The following NFATC2 variants were observed in gnomAD, a reference collection of about 807,000 sequenced individuals.
The protein encoded by NFATC2 is nuclear factor of activated T-cells, cytoplasmic 2.
NFATC2 carries 22 observed loss-of-function variants against 87.3 expected under a neutral mutation model. The ratio of observed to expected loss-of-function variants is 0.25; its 90% CI spans 0.18 to 0.36. The LOEUF is 0.36. Among genes scored for constraint, NFATC2 ranks in the 10% least tolerant of loss-of-function variants. NFATC2 has a pLI of 1.00. For missense variants in NFATC2, 1,149 were observed against 1,259.1 expected (o/e 0.91, Z 1.32); for synonymous variants, 565 against 542.2 (o/e 1.04, Z -0.58).
chr20:51,524,640 G>T lies in NFATC2; in HGVS notation c.131-530C>A, dbSNP rs149636585. ...AGCACTCTACACACATGACGTGGAC[G>T]CAGGACACAGAGGGAGGCTGCGCAG... On this transcript the variant is annotated intron_variant, in intron 1 of 10. Coordinates refer to ENST00000371564, the MANE Select transcript of NFATC2 (RefSeq NM_012340.5). The surrounding 1 kb of genome is among the most constrained non-coding windows in gnomAD (Gnocchi z 4.0). Among the ~76,000 whole-genome samples the T allele has an allele frequency of 1.2e-3, 189 of 152,220 alleles. 8 individuals are homozygous for T. In the East Asian group the frequency reaches 0.033, roughly 26 times the overall value.
chr20:51,467,072 C>CTAA, intron 5 of NFATC2, among the ~76,000 whole-genome samples: 1 of 79,702 alleles, frequency 1.3e-5, no homozygotes, highest in African/African-American at 3.9e-5. Flanking sequence ...GACTTAGTCT[C>CTAA]AAAAAAAAAA....
chr20:51,529,373 T>C (rs2076597113), intron 1 of NFATC2, among the ~76,000 whole-genome samples: 1 of 151,914 alleles, frequency 6.6e-6, no homozygotes, highest in Admixed American at 6.6e-5. Flanking sequence ...TTTTTTTTCC[T>C]CTTGACAAGA....
At chr20:51,498,271 A>G (rs1217437837) in intron 3 of NFATC2, among the ~76,000 whole-genome samples, 1 of 152,196 alleles carries the variant, frequency 6.6e-6, no homozygotes, top group Non-Finnish European at 1.5e-5. Context: ...GAGGCCAGAC[A>G]CAGCGGGGCT....
At chr20:51,533,340 C>G (rs1050840738) in intron 1 of NFATC2, among the ~76,000 whole-genome samples, 3 of 152,230 alleles carry the variant, frequency 2.0e-5, no homozygotes, top group African/African-American at 7.2e-5. Context: ...TTCTGACAAG[C>G]CCCCAGACCA....
intron 1 of NFATC2, among the ~76,000 whole-genome samples, chr20:51,549,945 C>T (rs2076919361): frequency 6.6e-6 from 1 of 152,202 alleles, no homozygotes; most frequent in African/African-American, 2.4e-5. Context: ...TCGCACAATG[C>T]CCTGAAAATT....
chr20:51,427,026 C>A (rs1000836566), intron 9 of NFATC2, among the ~76,000 whole-genome samples: 3 of 152,058 alleles, frequency 2.0e-5, no homozygotes, highest in Non-Finnish European at 2.9e-5. Flanking sequence ...CAAGTCACTG[C>A]AGGGGCTGCA....
intron 9 of NFATC2, among the ~76,000 whole-genome samples, chr20:51,427,231 C>A (rs2083284959): frequency 6.6e-6 from 1 of 152,116 alleles, no homozygotes; most frequent in Admixed American, 6.5e-5. Context: ...ACCTCTGCAC[C>A]CCCAGTTCAG....
chr20:51,447,596 C>T (rs1216320053), intron 6 of NFATC2, among the ~76,000 whole-genome samples: 1 of 152,186 alleles, frequency 6.6e-6, no homozygotes, highest in Non-Finnish European at 1.5e-5. Context: ...TTTTTGTGTC[C>T]TTAGATTTTT....
intron 9 of NFATC2, among the ~76,000 whole-genome samples, chr20:51,419,774 G>C (rs6013182): frequency 0.073 from 11,104 of 152,094 alleles, 1,133 homozygotes; most frequent in African/African-American, 0.23. Context: ...CATTCGAGAG[G>C]GATTTCATGA....
rs1285294124 is a variant in NFATC2, at chr20:51,432,948, C to T, written c.2033-192G>A. On this transcript the variant is annotated intron_variant, in intron 8 of 10. Transcript: ENST00000371564. The surrounding 1 kb of genome is among the most constrained non-coding windows in gnomAD (Gnocchi z 4.6). Reference sequence around the variant, plus strand: ...ATTGTCTTAGGTAGGAAATTTTACCCTGGCCATGAACATCTTGAATTATAG... The same window carrying T: ...ATTGTCTTAGGTAGGAAATTTTACCTTGGCCATGAACATCTTGAATTATAG... 3.3e-5 allele frequency among the ~76,000 whole-genome samples: 5 copies of T among 152,116 alleles called. No homozygotes were observed. Among genetic ancestry groups the T allele is most frequent in the Admixed American group, 2.6e-4 (4 of 15,282 alleles).
intron 3 of NFATC2, among the ~76,000 whole-genome samples, chr20:51,495,898 G>A (rs979514904): frequency 6.6e-6 from 1 of 152,176 alleles, no homozygotes; most frequent in Non-Finnish European, 1.5e-5. Flanking sequence ...TTTTTCCCAG[G>A]AGGAGGATGC....
At chr20:51,556,995 G>A (rs73263777) in intron 1 of NFATC2, among the ~76,000 whole-genome samples, 1,573 of 152,264 alleles carry the variant, frequency 0.01, 30 homozygotes, top group African/African-American at 0.036. Context: ...TAGGGGGCTG[G>A]GGCCTTCCTC....
At chr20:51,439,146 C>CCA (rs1983980792) in intron 6 of NFATC2, among the ~76,000 whole-genome samples, 1 of 152,198 alleles carries the variant, frequency 6.6e-6, no homozygotes. Context: ...GCCCTCAAGG[C>CCA]CCTGCACAAC....
intron 5 of NFATC2, among the ~76,000 whole-genome samples, chr20:51,468,949 C>G (rs1193552373): frequency 6.6e-6 from 1 of 152,136 alleles, no homozygotes; most frequent in African/African-American, 2.4e-5. Context: ...CACTGGGAGA[C>G]CTCGGAAAGC....
In NFATC2 at chr20:51,480,926, G is replaced by C. The variant is rs958659564; in HGVS notation, c.1333-5266C>G. Among the ~76,000 whole-genome samples, 2 of 152,268 alleles carry C rather than the reference G, an allele frequency of 1.3e-5. No homozygotes were observed. Among genetic ancestry groups the C allele is most frequent in the Non-Finnish European group, 2.9e-5 (2 of 68,006 alleles). ...GAATGTGAACAAAGTGAGAACCAAC[G>C]TGAAGGCCTCCCATATGGGAAAGCC... On this transcript the variant is annotated intron_variant, in intron 3 of 10. Coordinates refer to ENST00000371564, the MANE Select transcript of NFATC2 (RefSeq NM_012340.5). This position sits in a 1 kb window ranked among gnomAD's most constrained non-coding sequence, Gnocchi z 4.2.
At chr20:51,397,784 C>CCTGGGTGTACTAAT (rs1300475679) in intron 10 of NFATC2, among the ~76,000 whole-genome samples, 2 of 152,250 alleles carry the variant, frequency 1.3e-5, no homozygotes, top group African/African-American at 4.8e-5. Context: ...CGTCAGCTCC[C>CCTGGGTGTACTAAT]CTGGGTGTAC....
intron 10 of NFATC2, 119 bp downstream of exon 10, chr20:51,398,524 T>G (rs1283254110): frequency 3.2e-6 from 2 of 628,536 alleles, no homozygotes; most frequent in Non-Finnish European, 2.7e-6. Flanking sequence ...AGCAGGAGAA[T>G]GAGAAGAGAG....
chr20:51,501,449 C>A (rs1242983610), intron 3 of NFATC2, among the ~76,000 whole-genome samples: 1 of 152,236 alleles, frequency 6.6e-6, no homozygotes, highest in East Asian at 1.9e-4. Flanking sequence ...TCAGCTGGCT[C>A]CAACCTCTGT....
At chr20:51,477,567 A>ATG (rs1988849894) in intron 3 of NFATC2, among the ~76,000 whole-genome samples, 1 of 100,966 alleles carries the variant, frequency 9.9e-6, no homozygotes, top group African/African-American at 3.3e-5. Context: ...ATATATATAT[A>ATG]TATATATATA....
Sources: allele counts gnomAD v4.1 joint callset (sites outside exome capture counted in the v4.1 genomes callset), GRCh38; gene constraint gnomAD v4.1.1; non-coding constraint Gnocchi (gnomAD v3.1); transcripts MANE v1.5; gene names NCBI Gene and HGNC (gene_info 2026-07-23, HGNC 2026-07-21).